Variants in LTBP2 observed in about 807,000 individuals in gnomAD.
The protein encoded by LTBP2 is latent transforming growth factor beta binding protein 2, also known as latent-transforming growth factor beta-binding protein 2.
Under a neutral mutation model 210.6 loss-of-function variants are expected in LTBP2, and 103 were observed. That is an observed-to-expected ratio of 0.49 (90% CI 0.42 to 0.58). The LOEUF (loss-of-function observed/expected upper bound fraction) is 0.58, where lower values mean the gene tolerates loss of function less well. Ranked by LOEUF, LTBP2 falls within the 20% of genes least tolerant of loss-of-function variation. The pLI is 0.00. For synonymous variants in LTBP2, 1,007 were observed against 1,015.0 expected, an observed-to-expected ratio of 0.99 and a Z score of 0.15; for missense variants, 2,313 against 2,494.5, an observed-to-expected ratio of 0.93 and a Z score of 1.55.
chr14:74,527,014 C>G (rs2087281808), intron 13 of LTBP2, among the ~76,000 whole-genome samples: 1 of 152,204 alleles, frequency 6.6e-6, no homozygotes, highest in Non-Finnish European at 1.5e-5. Context: ...AGCTCCACAC[C>G]TCGTCTGCAG....
intron 9 of LTBP2, among the ~76,000 whole-genome samples, chr14:74,535,294 T>C (rs12882065): frequency 0.34 from 51,794 of 151,944 alleles, 9,272 homozygotes; most frequent in Non-Finnish European, 0.4. Context: ...GTCAATCCCC[T>C]GTCTCTGACC....
rs1423824699 is a variant in LTBP2, at chr14:74,506,799, G to A, written c.3932C>T (p.Thr1311Ile). 8.7e-6 allele frequency: 14 copies of A among 1,613,982 alleles called. No homozygotes were observed. The highest frequency in any genetic ancestry group is 9.3e-6 in the Non-Finnish European group (11 of 1,180,044). The change falls in exon 27 of 36, where the codon ACC becomes ATC. Residue 1311 changes from threonine (T) to isoleucine (I), a missense_variant. By Grantham distance (89) the Thr-to-Ile change is moderately conservative. Coordinates refer to ENST00000261978, the MANE Select transcript of LTBP2 (RefSeq NM_000428.3). ...ACAGAAGCCGTGGCTGCCACACATG[G>A]TGTCGTTGGCGCACTCGTCTATGTC... is the stretch of plus-strand genomic sequence containing the variant. ...CIDIDECANDTMCGSHGFCDN... is the reference protein window; with the variant it reads ...CIDIDECANDIMCGSHGFCDN...
intron 8 of LTBP2, among the ~76,000 whole-genome samples, chr14:74,544,541 C>T (rs994510587): frequency 6.6e-6 from 1 of 152,146 alleles, no homozygotes; most frequent in Non-Finnish European, 1.5e-5. Flanking sequence ...GCTGCTGTGA[C>T]CTGCCCTAAG....
rs182038293 is a variant in LTBP2, at chr14:74,590,604, A to G, written c.566-4486T>C. The stretch of plus-strand genomic sequence containing the variant: ...GACTCTGCCTCAAAAAAAGAAAAAG[A>G]AAAGAAAAAGAAAATGTGATATATA... On this transcript the variant is annotated intron_variant, in intron 2 of 35. Transcript: ENST00000261978. Among the ~76,000 whole-genome samples the G allele has an allele frequency of 8.5e-5, 13 of 152,322 alleles. No homozygotes were observed. In the East Asian group the frequency reaches 2.3e-3, roughly 27 times the overall value.
intron 8 of LTBP2, among the ~76,000 whole-genome samples, chr14:74,548,832 C>T (rs553713888): frequency 5.3e-5 from 8 of 152,278 alleles, no homozygotes; most frequent in African/African-American, 1.4e-4. Flanking sequence ...AAGAGACTGA[C>T]GCAGAGAGAG....
intron 19 of LTBP2, among the ~76,000 whole-genome samples, chr14:74,511,011 T>TC (rs2087064428): frequency 6.6e-6 from 1 of 152,198 alleles, no homozygotes; most frequent in Non-Finnish European, 1.5e-5. Flanking sequence ...CTTTGGGCAG[T>TC]CACTCCAGAA....
chr14:74,521,893 A>G lies in LTBP2; in HGVS notation c.2788+18T>C. 3.7e-6 allele frequency: 6 copies of G among 1,613,668 alleles called. No homozygotes were observed. The highest frequency in any genetic ancestry group is 4.2e-6 in the Non-Finnish European group (5 of 1,179,856). On this transcript the variant is annotated intron_variant, in intron 17 of 35. Transcript: ENST00000261978. The stretch of plus-strand genomic sequence containing the variant: ...AGACTGTGGGGCCTGGCCAAGGGCA[A>G]GGGCGGGCTTGGCTTACCTTGACAC...
intron 3 of LTBP2, among the ~76,000 whole-genome samples, chr14:74,575,314 A>C (rs1322440571): frequency 1.3e-5 from 2 of 152,228 alleles, no homozygotes; most frequent in Non-Finnish European, 2.9e-5. Context: ...TCCCCCTTTC[A>C]GGGGAACCTC....
intron 3 of LTBP2, among the ~76,000 whole-genome samples, chr14:74,568,999 A>G (rs2087938053): frequency 6.6e-6 from 1 of 152,100 alleles, no homozygotes; most frequent in African/African-American, 2.4e-5. Context: ...CTGCCCAGGG[A>G]TGCTCCCCTC....
rs2086896209 is a variant in LTBP2, at chr14:74,500,393, G to A, written c.*491C>T. 2 of 336,182 alleles carry A rather than the reference G, an allele frequency of 5.9e-6. No individual in the cohort carries two copies. Among genetic ancestry groups the A allele is most frequent in the South Asian group, 9.2e-5 (2 of 21,804 alleles). 20.8% of individuals were successfully genotyped at this position (336,182 alleles called of 1,614,324 possible). On this transcript the variant is annotated 3_prime_UTR_variant, in exon 36 of 36. Coordinates refer to ENST00000261978, the MANE Select transcript of LTBP2 (RefSeq NM_000428.3). ...GAGTGGTGGTGATGGTTCTTAGGAG[G>A]GGGCTCTGGAGTCAGTCCCCAAGCT...
intron 9 of LTBP2, among the ~76,000 whole-genome samples, 175 bp downstream of exon 9, chr14:74,535,751 C>T (rs2087412532): frequency 6.6e-6 from 1 of 152,104 alleles, no homozygotes; most frequent in Admixed American, 6.5e-5. Context: ...CACTCTCAAG[C>T]AAGTCCCTGG....
rs2087627306 is a variant in LTBP2, at chr14:74,549,852, C to T, written c.1789+11G>A. 5.0e-6 allele frequency: 8 copies of T among 1,610,930 alleles called. No homozygotes were observed. The highest frequency in any genetic ancestry group is 6.8e-6 in the Non-Finnish European group (8 of 1,177,154). ...CCTCCACAACACGTGACCTTGGACT[C>T]CAGCACTCACCTGGTCTGGGTGGGC... On this transcript the variant is annotated intron_variant, in intron 8 of 35. Transcript: ENST00000261978.
intron 30 of LTBP2, among the ~76,000 whole-genome samples, chr14:74,504,395 G>A (rs553892306): frequency 6.6e-6 from 1 of 152,362 alleles, no homozygotes; most frequent in Admixed American, 6.5e-5. Context: ...TACTGTGAGT[G>A]TGTGTTCCCC....
chr14:74,504,996 C>T lies in LTBP2; in HGVS notation c.4356G>A (p.Pro1452=), dbSNP rs137854865. ...TTGGGGTCTTACCTGAGTCCTCAGA[C>T]GGGCAGAGGTCACAGGCATCTCCCC... ...ASWGDACDLC[P]SEDSAEFSEI... Residue 1452 remains proline (P), a synonymous_variant, in exon 29 of 36, where the codon CCG becomes CCA. Coordinates refer to ENST00000261978, the MANE Select transcript of LTBP2 (RefSeq NM_000428.3). 926 of 1,614,190 alleles carry T rather than the reference C, an allele frequency of 5.7e-4. 8 individuals carry two copies. The highest frequency in any genetic ancestry group is 6.0e-4 in the African/African-American group (45 of 75,044).
Position 74,508,693 on chromosome 14 carries a change from G to T in LTBP2, c.3563C>A (p.Pro1188His). Residue 1188 changes from proline to histidine, a missense_variant, in exon 24 of 36, where the codon CCC becomes CAC. This residue lies in a region of LTBP2 where 1,867 missense variants were observed against 1,976.9 expected (regional missense o/e 0.94). Transcript: ENST00000261978. The part of the protein sequence containing the change: ...NECMGEEHCA[P>H]HGECLNSHGS... ...GTGGCTGTTGAGGCACTCGCCGTGG[G>T]GTGCGCAGTGCTCCTCCCCCATGCA... The T allele has an allele frequency of 1.9e-6, 3 of 1,613,738 alleles. No homozygotes were observed. Among genetic ancestry groups the T allele is most frequent in the Non-Finnish European group, 1.7e-6 (2 of 1,179,988 alleles).
intron 3 of LTBP2, among the ~76,000 whole-genome samples, chr14:74,566,097 T>C (rs1278343590): frequency 2.0e-5 from 3 of 152,076 alleles, no homozygotes; most frequent in African/African-American, 7.2e-5. Context: ...TTTTTATGCA[T>C]ACATAGACAA....
At chr14:74,508,178 G>C in intron 24 of LTBP2, 83 bp from the exon 25 acceptor site, 1 of 1,529,216 alleles carries the variant, frequency 6.5e-7, no homozygotes, top group Non-Finnish European at 9.0e-7. Flanking sequence ...TGGGCCCTGA[G>C]TAGCCCATAG....
At chr14:74,594,227 G>A (rs1347076803) in intron 2 of LTBP2, among the ~76,000 whole-genome samples, 1 of 152,112 alleles carries the variant, frequency 6.6e-6, no homozygotes, top group Non-Finnish European at 1.5e-5. Context: ...CTACCCCCCG[G>A]GCAAGGCGTT....
At position 74,529,080 on chromosome 14, in the gene LTBP2, G is replaced by T. The variant is rs375609662; in HGVS notation, c.2030C>A (p.Ser677Ter). ...ISMLQGLCYR[S>*]LGPGTCTLPL... ...CAGGGTGCAGGTGCCGGGCCCCAGCGACCGGTAGCACAGTCCCTGCAGCAT... is the reference window on the plus strand; with the variant it reads ...CAGGGTGCAGGTGCCGGGCCCCAGCTACCGGTAGCACAGTCCCTGCAGCAT... Residue 677 changes from serine to a stop codon, truncating the protein, a stop_gained, in exon 11 of 36, where the codon TCG (serine) becomes TAG (stop). Coordinates refer to ENST00000261978, the MANE Select transcript of LTBP2 (RefSeq NM_000428.3). LOFTEE classifies it high-confidence loss of function. 5.8e-6 allele frequency: 9 copies of T among 1,555,298 alleles called. No individual in the cohort carries two copies. Among genetic ancestry groups the T allele is most frequent in the African/African-American group, 4.1e-5 (3 of 73,352 alleles).
Sources: allele counts gnomAD v4.1 joint callset (sites outside exome capture counted in the v4.1 genomes callset), GRCh38; gene constraint gnomAD v4.1.1; regional missense constraint gnomAD v4.1.1; transcripts MANE v1.5; gene names NCBI Gene and HGNC (gene_info 2026-07-23, HGNC 2026-07-21).